The following CEP128 variants were observed in gnomAD, a reference collection of about 807,000 sequenced individuals.
CEP128 encodes centrosomal protein 128kDa.
Under a neutral mutation model 156.7 loss-of-function variants are expected in CEP128, and 132 were observed. That is an observed-to-expected ratio of 0.84 (90% confidence interval 0.73 to 0.97). The LOEUF (loss-of-function observed/expected upper bound fraction) is 0.97. Ranked by LOEUF, CEP128 falls within the 50% of genes least tolerant of loss-of-function variation. The pLI is 0.00. For synonymous variants in CEP128, 469 were observed against 448.9 expected (o/e 1.04, Z -0.57); for missense variants, 1,252 against 1,281.9 (o/e 0.98, Z 0.36).
intron 16 of CEP128, among the ~76,000 whole-genome samples, chr14:80,773,099 C>T (rs1454815925): frequency 6.6e-6 from 1 of 152,082 alleles, no homozygotes; most frequent in African/African-American, 2.4e-5. Flanking sequence ...GTTTGGGTAC[C>T]TAGTAACAAG....
rs1001491938 is a variant in CEP128 at position 80,746,235 on chromosome 14, T to A, written c.2614-2968A>T. On this transcript the variant is annotated intron_variant, in intron 18 of 24. Coordinates refer to ENST00000555265, the MANE Select transcript of CEP128 (RefSeq NM_152446.5). ...TTTAAAGGAATAGATGAGTTGATCC[T>A]ATGTTTCATATGGGAATTCAAGGCA... Among the ~76,000 whole-genome samples the A allele has an allele frequency of 4.6e-5, 7 of 152,296 alleles. No individual in the cohort carries two copies. The South Asian group carries it at 1.0e-3, about 23-fold the overall frequency.
chr14:80,485,489 T>C (rs1028791835), downstream of CEP128, among the ~76,000 whole-genome samples: 2 of 151,956 alleles, frequency 1.3e-5, no homozygotes, highest in South Asian at 2.1e-4. Flanking sequence ...CAACCTCAAA[T>C]TGTGTATAAC....
At chr14:80,635,748 T>C (rs1894155421) in intron 19 of CEP128, among the ~76,000 whole-genome samples, 1 of 152,216 alleles carries the variant, frequency 6.6e-6, no homozygotes, top group Non-Finnish European at 1.5e-5. Context: ...CTCCCTACTG[T>C]GAACATTTGA....
chr14:80,496,942 A>G lies in CEP128; in HGVS notation c.*537T>C, dbSNP rs1887518263. On this transcript the variant is annotated 3_prime_UTR_variant, in exon 25 of 25. Transcript: ENST00000555265. ...TATGCAGTTGTGGACTGTTAAGATG[A>G]TAGATATAAAAGTCCTGAGCATTTA... 1 of 152,400 alleles carries G rather than the reference A, an allele frequency of 6.6e-6. No homozygotes were observed. The highest frequency in any genetic ancestry group is 2.4e-5 in the African/African-American group (1 of 41,472). 9.4% of individuals were successfully genotyped at this position (152,400 alleles called of 1,614,324 possible).
At chr14:80,913,612 C>A (rs1831256160) in intron 4 of CEP128, among the ~76,000 whole-genome samples, 1 of 152,066 alleles carries the variant, frequency 6.6e-6, no homozygotes, top group African/African-American at 2.4e-5. Context: ...TAAAGGAGAG[C>A]TAAGCTATGT....
At chr14:80,655,603 G>C (rs1484540570) in intron 19 of CEP128, among the ~76,000 whole-genome samples, 1 of 152,176 alleles carries the variant, frequency 6.6e-6, no homozygotes, top group African/African-American at 2.4e-5. Flanking sequence ...CCTCTGGCCA[G>C]AGTGATTGGT....
At chr14:80,543,358 C>T (rs1889847315) in intron 21 of CEP128, among the ~76,000 whole-genome samples, 1 of 152,154 alleles carries the variant, frequency 6.6e-6, no homozygotes, top group Non-Finnish European at 1.5e-5. Context: ...ATCCTCACTG[C>T]CAAACCATAC....
At chr14:80,562,280 A>G (rs989943498) in intron 20 of CEP128, among the ~76,000 whole-genome samples, 10 of 152,176 alleles carry the variant, frequency 6.6e-5, no homozygotes, top group African/African-American at 2.2e-4. Context: ...ACAGCTTTCA[A>G]TAAAAAAACT....
intron 21 of CEP128, among the ~76,000 whole-genome samples, chr14:80,549,492 G>A (rs950015046): frequency 6.6e-6 from 1 of 152,112 alleles, no homozygotes; most frequent in Non-Finnish European, 1.5e-5. Context: ...TCATAGCCTT[G>A]GCAAAACCAA....
At chr14:80,533,168 T>C (rs1160335308) in intron 21 of CEP128, among the ~76,000 whole-genome samples, 1 of 152,166 alleles carries the variant, frequency 6.6e-6, no homozygotes, top group Non-Finnish European at 1.5e-5. Flanking sequence ...GCCATATTCA[T>C]TTAAATAATA....
chr14:80,947,363 T>A (rs557861064), intron 2 of CEP128, among the ~76,000 whole-genome samples: 1 of 151,454 alleles, frequency 6.6e-6, no homozygotes, highest in East Asian at 1.9e-4. Context: ...GGGAGGGGAG[T>A]TGAGAAAGAA....
chr14:80,681,031 C>T (rs1896302065), intron 19 of CEP128, among the ~76,000 whole-genome samples: 2 of 149,196 alleles, frequency 1.3e-5, no homozygotes, highest in Admixed American at 6.6e-5. Flanking sequence ...GGCTATATAC[C>T]ATGCTGGCTA....
At chr14:80,548,788 A>G (rs762520205) in intron 21 of CEP128, among the ~76,000 whole-genome samples, 8 of 152,200 alleles carry the variant, frequency 5.3e-5, no homozygotes, top group Non-Finnish European at 1.2e-4. Context: ...ACACTGAGCA[A>G]TTCAATAATA....
chr14:80,900,649 G>A (rs944982237), intron 6 of CEP128, among the ~76,000 whole-genome samples: 2 of 152,178 alleles, frequency 1.3e-5, no homozygotes, highest in African/African-American at 4.8e-5. Flanking sequence ...TAAATAAATG[G>A]TGGTATATTC....
chr14:80,834,117 A>C (rs572986321), intron 12 of CEP128, among the ~76,000 whole-genome samples: 3 of 152,298 alleles, frequency 2.0e-5, no homozygotes, highest in Non-Finnish European at 4.4e-5. Context: ...CTAGGTGATA[A>C]TTTTTAATCA....
At chr14:80,884,715 G>C (rs11844105) in intron 8 of CEP128, among the ~76,000 whole-genome samples, 9,819 of 152,254 alleles carry the variant, frequency 0.064, 1,048 homozygotes, top group African/African-American at 0.22. Context: ...TGGGTTTCAA[G>C]CACAAAACTG....
chr14:80,652,358 T>A (rs1894944887), intron 19 of CEP128, among the ~76,000 whole-genome samples: 1 of 152,036 alleles, frequency 6.6e-6, no homozygotes, highest in Non-Finnish European at 1.5e-5. Flanking sequence ...CTAATTTAAC[T>A]AAAGAGCTTC....
chr14:80,858,210 G>GGAACA (rs1887308112), intron 9 of CEP128, among the ~76,000 whole-genome samples: 1 of 145,366 alleles, frequency 6.9e-6, no homozygotes, highest in Non-Finnish European at 1.5e-5. Context: ...ATAGATCAAT[G>GGAACA]GAACAGAACA....
intron 23 of CEP128, among the ~76,000 whole-genome samples, chr14:80,524,750 G>C (rs368960344): frequency 2.4e-4 from 36 of 152,196 alleles, no homozygotes; most frequent in African/African-American, 8.7e-4. Context: ...GTCAATAAAT[G>C]CATTGCTAAA....
Sources: allele counts gnomAD v4.1 joint callset (sites outside exome capture counted in the v4.1 genomes callset), GRCh38; gene constraint gnomAD v4.1.1; transcripts MANE v1.5; gene names NCBI Gene and HGNC (gene_info 2026-07-23, HGNC 2026-07-21).